Variants in MAP3K20 observed in about 807,000 individuals in gnomAD.
The protein encoded by MAP3K20 is mitogen-activated protein kinase kinase kinase 20.
A neutral mutation model predicts 85.7 loss-of-function variants in MAP3K20; 40 were observed. The observed-to-expected ratio is 0.47, with a 90% CI of 0.36 to 0.61. MAP3K20 has a LOEUF of 0.61. Among genes scored for constraint, MAP3K20 ranks in the 20% least tolerant of loss-of-function variants. The probability of loss-of-function intolerance (pLI) is 0.00; values close to 1 mark genes in which losing one functional copy is unlikely to be tolerated. For missense variants in MAP3K20, 817 were observed against 961.7 expected (o/e 0.85, Z 1.99); for synonymous variants, 325 against 327.7 (o/e 0.99, Z 0.09).
At chr2:173,154,932 G>A (rs1385344663) in intron 2 of MAP3K20, among the ~76,000 whole-genome samples, 6 of 152,192 alleles carry the variant, frequency 3.9e-5, no homozygotes, top group South Asian at 2.1e-4. Context: ...GAAATGGAAC[G>A]TGGTGTAAAG....
At chr2:173,224,878 T>G (rs10497401) in intron 11 of MAP3K20, 138,809 of 984,638 alleles carry the variant, frequency 0.14, 10,259 homozygotes, top group African/African-American at 0.22. Flanking sequence ...ATGATGATAT[T>G]GTACAGCTTC....
At chr2:173,244,914 C>T (rs543466278) in intron 16 of MAP3K20, among the ~76,000 whole-genome samples, 6 of 152,122 alleles carry the variant, frequency 3.9e-5, no homozygotes, top group Admixed American at 2.0e-4. Context: ...CCTCCATGAC[C>T]GGAATAAGCT....
In MAP3K20 at chr2:173,154,884, C is replaced by CCAAATATAAT. The variant is rs1689418854; in HGVS notation, c.160-14920_160-14911dup. The stretch of plus-strand genomic sequence containing the variant: ...CTTTAGCATTACTATAGAAATCCAA[C>CCAAATATAAT]CAAATATAATGGGATTAGGGTGCCA... On this transcript the variant is annotated intron_variant, in intron 2 of 19. Transcript: ENST00000375213. 2.0e-5 allele frequency among the ~76,000 whole-genome samples: 3 copies of CCAAATATAAT among 152,106 alleles called. No individual in the cohort carries two copies. In the South Asian group the frequency reaches 6.2e-4, roughly 32 times the overall value.
chr2:173,216,618 G>A (rs1414836566), intron 10 of MAP3K20, among the ~76,000 whole-genome samples: 1 of 152,086 alleles, frequency 6.6e-6, no homozygotes, highest in Non-Finnish European at 1.5e-5. Context: ...AACTGAGACA[G>A]GTTAGTCAAT....
In MAP3K20 at chr2:173,191,037, C is replaced by T. The variant is rs374471782; in HGVS notation, c.445-3C>T. 1.9e-6 allele frequency: 3 copies of T among 1,613,594 alleles called. No individual in the cohort carries two copies. Among genetic ancestry groups the T allele is most frequent in the African/African-American group, 2.7e-5 (2 of 75,030 alleles). On this transcript the variant is annotated splice_region_variant and splice_polypyrimidine_tract_variant and intron_variant, in intron 6 of 19. Transcript: ENST00000375213. ...AAGTTGACACTGATTCCTGTTTTCT[C>T]AGATCTGTGACTTTGGTGCCTCTCG...
chr2:173,121,175 T>C, intron 2 of MAP3K20, among the ~76,000 whole-genome samples: 1 of 152,188 alleles, frequency 6.6e-6, no homozygotes, highest in East Asian at 1.9e-4. Flanking sequence ...CAGTGAGTCA[T>C]TACACATTTC....
At chr2:173,213,454 G>A (rs576663738) in intron 10 of MAP3K20, among the ~76,000 whole-genome samples, 48 of 152,288 alleles carry the variant, frequency 3.2e-4, no homozygotes, top group Non-Finnish European at 6.2e-4. Flanking sequence ...CAGGCAATTG[G>A]TTAAAAACAG....
chr2:173,227,021 C>T, intron 11 of MAP3K20: 1 of 985,754 alleles, frequency 1.0e-6, no homozygotes. Flanking sequence ...ATTTGATATT[C>T]CAGCACAAAG....
chr2:173,243,375 G>A (rs372814838), intron 16 of MAP3K20, among the ~76,000 whole-genome samples: 2 of 152,280 alleles, frequency 1.3e-5, no homozygotes, highest in East Asian at 1.9e-4. Context: ...ACGAAACCAT[G>A]TGTGCAAAAG....
intron 2 of MAP3K20, among the ~76,000 whole-genome samples, chr2:173,092,907 G>T (rs3769200): frequency 3.1e-4 from 47 of 152,200 alleles, no homozygotes; most frequent in African/African-American, 1.1e-3. Context: ...TCCTGCTTTC[G>T]TGCAGGTATT....
intron 7 of MAP3K20, among the ~76,000 whole-genome samples, chr2:173,191,940 G>A (rs1690664152): frequency 1.3e-5 from 2 of 152,076 alleles, no homozygotes; most frequent in South Asian, 4.2e-4. Flanking sequence ...AAGTGGAGTG[G>A]GAGAGTTCTT....
intron 2 of MAP3K20, among the ~76,000 whole-genome samples, chr2:173,113,282 C>T (rs1688024507): frequency 6.6e-6 from 1 of 151,860 alleles, no homozygotes; most frequent in Admixed American, 6.6e-5. Context: ...ATTTTTTTCT[C>T]TTCTTTGCTT....
chr2:173,182,263 G>C (rs1024673367), intron 3 of MAP3K20, among the ~76,000 whole-genome samples: 2 of 152,200 alleles, frequency 1.3e-5, no homozygotes, highest in Non-Finnish European at 2.9e-5. Context: ...ACTATTTGTA[G>C]TGATGGAAAG....
chr2:173,123,364 T>C (rs892682289), intron 2 of MAP3K20, among the ~76,000 whole-genome samples: 2 of 152,168 alleles, frequency 1.3e-5, no homozygotes, highest in African/African-American at 4.8e-5. Flanking sequence ...GTTCTGCCAC[T>C]ATATATTAAC....
intron 4 of MAP3K20, 125 bp from the exon 5 acceptor site, chr2:173,187,433 A>G (rs1690520304): frequency 1.4e-6 from 1 of 704,378 alleles, no homozygotes; most frequent in South Asian, 2.3e-5. Flanking sequence ...TCATTTTATC[A>G]GTCATGGAAG....
intron 14 of MAP3K20, 125 bp downstream of exon 14, chr2:173,232,584 C>A: frequency 2.9e-6 from 4 of 1,386,726 alleles, no homozygotes; most frequent in South Asian, 2.8e-5. Context: ...GCTCGTTGCA[C>A]CCTCCGCCTC....
chr2:173,206,915 G>C (rs1425899955), intron 9 of MAP3K20, among the ~76,000 whole-genome samples: 1 of 136,422 alleles, frequency 7.3e-6, no homozygotes, highest in East Asian at 2.0e-4. Flanking sequence ...CATATGTAGA[G>C]CAATAAAGTA....
chr2:173,149,566 C>T (rs1689239914), intron 2 of MAP3K20, among the ~76,000 whole-genome samples: 2 of 151,772 alleles, frequency 1.3e-5, no homozygotes, highest in Admixed American at 1.3e-4. Flanking sequence ...TCCTCATTCC[C>T]CAGATTTGTA....
intron 1 of MAP3K20, among the ~76,000 whole-genome samples, chr2:173,088,014 A>G (rs1393273423): frequency 6.6e-6 from 1 of 152,182 alleles, no homozygotes; most frequent in Non-Finnish European, 1.5e-5. Context: ...GCCAGACTGA[A>G]TCAGGATGAA....
Sources: gnomAD v4.1 joint callset for allele counts (sites outside exome capture counted in the v4.1 genomes callset) on GRCh38, gnomAD v4.1.1 for gene constraint, MANE v1.5 for transcripts, NCBI Gene and HGNC (gene_info 2026-07-23, HGNC 2026-07-21) for gene names.